TAFA5: variants seen among roughly 807,000 people sequenced by gnomAD.
TAFA5 encodes the protein chemokine-like protein TAFA-5.
A neutral mutation model predicts 15.3 loss-of-function variants in TAFA5; 6 were observed. That is an observed-to-expected ratio of 0.39 (90% CI 0.21 to 0.77). The LOEUF is 0.77. Among genes scored for constraint, TAFA5 ranks in the 30% least tolerant of loss-of-function variants. The probability of loss-of-function intolerance (pLI) is 0.41; values close to 1 mark genes in which losing one functional copy is unlikely to be tolerated. For missense variants in TAFA5, 161 were observed against 193.1 expected (o/e 0.83, Z 0.98); for synonymous variants, 103 against 80.7 (o/e 1.28, Z -1.48).
intron 1 of TAFA5, chr22:48,544,699 C>T (rs923041679): frequency 8.5e-6 from 4 of 471,308 alleles, no homozygotes; most frequent in East Asian, 6.9e-5. Context: ...CCTGCGTGCC[C>T]GCAGATGAGG....
intron 2 of TAFA5, among the ~76,000 whole-genome samples, chr22:48,707,288 C>A (rs1021572473): frequency 2.6e-5 from 4 of 152,170 alleles, no homozygotes; most frequent in Non-Finnish European, 5.9e-5. Flanking sequence ...CCCCTTGTTC[C>A]CCTTTGGTTA....
chr22:48,684,749 G>T (rs748771664), intron 2 of TAFA5, among the ~76,000 whole-genome samples: 12 of 152,140 alleles, frequency 7.9e-5, no homozygotes, highest in Non-Finnish European at 1.2e-4. Flanking sequence ...GAGCGGCTGA[G>T]AACTCCAATT....
At chr22:48,544,577 A>G (rs1922588924) in intron 1 of TAFA5, 1 of 412,884 alleles carries the variant, frequency 2.4e-6, no homozygotes, top group Non-Finnish European at 5.0e-6. Flanking sequence ...AGCACATGCC[A>G]GCTTCCTCCC....
chr22:48,627,660 G>C (rs1926072914), intron 1 of TAFA5, among the ~76,000 whole-genome samples: 1 of 152,256 alleles, frequency 6.6e-6, no homozygotes, highest in African/African-American at 2.4e-5. Context: ...GGACCCAGCA[G>C]CCTCCTTTCT....
rs188423750 is a variant in TAFA5, at chr22:48,635,976, G to A, written c.113-10621G>A. On this transcript the variant is annotated intron_variant, in intron 1 of 3. Coordinates refer to ENST00000402357, the MANE Select transcript of TAFA5 (RefSeq NM_001082967.3). ...TTGGGAGGAGCTGTGGGTCCAGGGC[G>A]CCTTCCTCCTCCCTCCCAGCCACCC... 2.7e-3 allele frequency among the ~76,000 whole-genome samples: 413 copies of A among 152,362 alleles called. 2 individuals are homozygous for A. Among genetic ancestry groups the A allele is most frequent in the Non-Finnish European group, 4.4e-3 (296 of 68,040 alleles).
chr22:48,716,775 A>T (rs981893951), intron 3 of TAFA5, among the ~76,000 whole-genome samples: 28 of 152,236 alleles, frequency 1.8e-4, no homozygotes, highest in African/African-American at 6.8e-4. Context: ...ATACATGTAC[A>T]TATGGTATGC....
At chr22:48,727,688 C>T (rs548985028) in intron 3 of TAFA5, among the ~76,000 whole-genome samples, 2 of 152,180 alleles carry the variant, frequency 1.3e-5, no homozygotes, top group African/African-American at 2.4e-5. Context: ...AATAGCCAAA[C>T]GTGTTGTCTT....
At chr22:48,620,824 A>C (rs552806871) in intron 1 of TAFA5, among the ~76,000 whole-genome samples, 2,164 of 4,592 alleles carry the variant, frequency 0.47, 11 homozygotes, top group Middle Eastern at 0.5. Context: ...CCCTATCTAT[A>C]CACCCACCCA....
chr22:48,628,253 G>A (rs1024715692), intron 1 of TAFA5, among the ~76,000 whole-genome samples: 16 of 152,186 alleles, frequency 1.1e-4, no homozygotes, highest in South Asian at 4.1e-4. Context: ...GTGGGGACAT[G>A]GGGAGGCTGG....
chr22:48,613,297 C>T (rs764948364), intron 1 of TAFA5, among the ~76,000 whole-genome samples: 4 of 152,132 alleles, frequency 2.6e-5, no homozygotes, highest in Non-Finnish European at 2.9e-5. Flanking sequence ...TCTCCTGAGC[C>T]GTCCCTAGCA....
chr22:48,617,825 C>G (rs1925665684), intron 1 of TAFA5, among the ~76,000 whole-genome samples: 2 of 138,372 alleles, frequency 1.4e-5, no homozygotes. Flanking sequence ...GTTGAGTCCC[C>G]TCTGTACCAC....
chr22:48,524,311 G>A (rs1024294583), intron 1 of TAFA5, among the ~76,000 whole-genome samples: 4 of 152,216 alleles, frequency 2.6e-5, no homozygotes, highest in African/African-American at 9.6e-5. Context: ...TTGGAGTGGA[G>A]AGGAAGCTCC....
intron 1 of TAFA5, chr22:48,546,775 G>A (rs1027017774): frequency 3.1e-5 from 11 of 353,184 alleles, no homozygotes; most frequent in Admixed American, 1.1e-4. Flanking sequence ...TAGGCCATCC[G>A]CTGTTTCAGG....
At chr22:48,548,747 A>G (rs541413097) in intron 1 of TAFA5, among the ~76,000 whole-genome samples, 11 of 152,372 alleles carry the variant, frequency 7.2e-5, no homozygotes, top group Non-Finnish European at 1.2e-4. Flanking sequence ...GCGCAGCATC[A>G]GCGCAGGTGA....
At chr22:48,646,356 C>T (rs889112836) in intron 1 of TAFA5, among the ~76,000 whole-genome samples, 7 of 152,220 alleles carry the variant, frequency 4.6e-5, no homozygotes, top group African/African-American at 1.7e-4. Context: ...GCAGCACCAC[C>T]GCCTGAACAC....
intron 3 of TAFA5, among the ~76,000 whole-genome samples, chr22:48,745,952 C>T (rs1416297123): frequency 6.6e-6 from 1 of 152,144 alleles, no homozygotes; most frequent in East Asian, 1.9e-4. Context: ...GGAGCTGCCA[C>T]CTGTGAGACC....
intron 1 of TAFA5, among the ~76,000 whole-genome samples, chr22:48,519,522 G>C (rs960415368): frequency 1.8e-4 from 28 of 152,192 alleles, no homozygotes; most frequent in African/African-American, 6.8e-4. Context: ...TATGTGAAGG[G>C]GGGGATGCCC....
rs559832272 is a variant in TAFA5, at chr22:48,524,929, T to A, written c.112+35225T>A. On this transcript the variant is annotated intron_variant, in intron 1 of 3. Transcript: ENST00000402357. ...GATCCAGGCGCGGGTTTCCTGTGGG[T>A]AGTTGAGCCAGGTGTATGTGCCTGG... 1.6e-4 allele frequency among the ~76,000 whole-genome samples: 25 copies of A among 152,206 alleles called. No individual in the cohort carries two copies. In the South Asian group the frequency reaches 5.2e-3, roughly 32 times the overall value.
intron 1 of TAFA5, among the ~76,000 whole-genome samples, chr22:48,586,562 G>A (rs982177974): frequency 4.6e-5 from 7 of 152,254 alleles, no homozygotes; most frequent in African/African-American, 1.4e-4. Flanking sequence ...CAAGTGCTGG[G>A]CGTGTCTGTG....
Sources: gnomAD v4.1 joint callset for allele counts (sites outside exome capture counted in the v4.1 genomes callset) on GRCh38, gnomAD v4.1.1 for gene constraint, MANE v1.5 for transcripts, NCBI Gene and HGNC (gene_info 2026-07-23, HGNC 2026-07-21) for gene names.